Variants in GPHN observed in about 807,000 individuals in gnomAD.
The protein encoded by GPHN is gephyrin.
In GPHN, 17 loss-of-function variants were observed where a neutral mutation model predicts 95.5. The ratio of observed to expected loss-of-function variants is 0.18; its 90% CI spans 0.12 to 0.27. The LOEUF (loss-of-function observed/expected upper bound fraction) is 0.27. GPHN is among the 10% of genes least tolerant of loss of function. The pLI, the probability that GPHN is intolerant of heterozygous loss-of-function variation, is 1.00. For missense variants in GPHN, 660 were observed against 978.1 expected (o/e 0.67, Z 4.34); for synonymous variants, 320 against 322.5 (o/e 0.99, Z 0.08).
At chr14:67,323,031 A>G in the GPHN span, among the ~76,000 whole-genome samples, 3 of 152,134 alleles carry the variant, frequency 2.0e-5, no homozygotes, top group African/African-American at 7.2e-5. Flanking sequence ...TATGATTCTA[A>G]TTGCTCCAAA....
intron 1 of GPHN, among the ~76,000 whole-genome samples, chr14:66,568,298 A>G (rs1393122416): frequency 1.3e-5 from 2 of 152,122 alleles, no homozygotes; most frequent in Non-Finnish European, 2.9e-5. Context: ...AATGTTCAGA[A>G]TATTGTTTTG....
intron 21 of GPHN, among the ~76,000 whole-genome samples, chr14:67,174,062 A>G (rs1425382454): frequency 6.6e-6 from 1 of 152,232 alleles, no homozygotes; most frequent in African/African-American, 2.4e-5. Flanking sequence ...CTTACGAGCC[A>G]TCATTAAGTC....
chr14:67,542,227 T>A, the GPHN span, among the ~76,000 whole-genome samples: 1 of 152,224 alleles, frequency 6.6e-6, no homozygotes, highest in East Asian at 1.9e-4. Flanking sequence ...CTGCCAATCT[T>A]CTCGGTCCCC....
the GPHN span, chr14:67,582,268 A>G: frequency 1.2e-6 from 2 of 1,610,922 alleles, no homozygotes; most frequent in Non-Finnish European, 1.7e-6. This position sits in a 1 kb window ranked among gnomAD's most constrained non-coding sequence, Gnocchi z 5.0. Flanking sequence ...TGAATGCACC[A>G]TGCAGCCTGA....
the GPHN span, chr14:67,312,744 T>G: frequency 4.2e-5 from 60 of 1,417,084 alleles, 1 homozygote; most frequent in East Asian, 7.6e-4. Flanking sequence ...TACATAATAT[T>G]AAAAGAACAT....
At chr14:67,458,264 G>A in the GPHN span, among the ~76,000 whole-genome samples, 1 of 152,170 alleles carries the variant, frequency 6.6e-6, no homozygotes, top group Non-Finnish European at 1.5e-5. Flanking sequence ...TGGAGCTGGA[G>A]TGTGGGGTGA....
intron 1 of GPHN, among the ~76,000 whole-genome samples, chr14:66,584,413 T>C (rs2061335995): frequency 1.3e-5 from 2 of 152,172 alleles, no homozygotes; most frequent in Admixed American, 1.3e-4. Flanking sequence ...GGCCAGAACT[T>C]CCAACACTAT....
chr14:67,242,611 T>G, the GPHN span, among the ~76,000 whole-genome samples: 11 of 152,140 alleles, frequency 7.2e-5, no homozygotes, highest in Non-Finnish European at 1.5e-4. Context: ...TAAGCTTCCT[T>G]GAATTAAGAA....
the GPHN span, chr14:67,199,564 T>C: frequency 6.3e-7 from 1 of 1,598,116 alleles, no homozygotes; most frequent in Non-Finnish European, 8.6e-7. Flanking sequence ...AGTACCTCTG[T>C]AACCACCCTA....
intron 9 of GPHN, among the ~76,000 whole-genome samples, chr14:66,998,889 AT>A (rs201055419): frequency 0.02 from 1,947 of 98,382 alleles, 18 homozygotes; most frequent in Middle Eastern, 0.036. Context: ...AAAAAAAAAA[AT>A]ATATATATAT....
intron 17 of GPHN, among the ~76,000 whole-genome samples, chr14:67,132,385 G>C (rs1337884551): frequency 1.3e-5 from 2 of 152,038 alleles, no homozygotes; most frequent in African/African-American, 4.8e-5. Context: ...TAAACTATCT[G>C]CTCTCCTTAT....
chr14:67,116,303 GAAAGAAAGAA>G (rs1314474988), intron 16 of GPHN, among the ~76,000 whole-genome samples: 2 of 147,578 alleles, frequency 1.4e-5, no homozygotes, highest in Non-Finnish European at 3.0e-5. Flanking sequence ...GAAAAAGAAA[GAAAGAAAGAA>G]AAAGAAAGAA....
At chr14:67,023,462 TAAAG>T (rs2073765615) in intron 9 of GPHN, among the ~76,000 whole-genome samples, 167 bp from the exon 10 acceptor site, 2 of 152,178 alleles carry the variant, frequency 1.3e-5, no homozygotes, top group African/African-American at 2.4e-5. Context: ...AAGGAAAAGA[TAAAG>T]AAAAAAGATG....
rs1382508799 is a variant in GPHN at position 66,836,852 on chromosome 14, G to A, written c.294+12286G>A. Among the ~76,000 whole-genome samples the A allele has an allele frequency of 1.6e-3, 241 of 151,802 alleles. 3 individuals carry two copies. The highest frequency in any genetic ancestry group is 0.012 in the South Asian group (55 of 4,782). On this transcript the variant is annotated intron_variant, in intron 4 of 22. Coordinates refer to ENST00000478722, the MANE Select transcript of GPHN (RefSeq NM_020806.5). ...GAAAACACATGAAAAAATGCTCACC[G>A]TCACTGGCCATCAGAGAAATGCAAA...
At chr14:66,835,231 AG>A (rs1374501666) in intron 4 of GPHN, among the ~76,000 whole-genome samples, 1 of 146,754 alleles carries the variant, frequency 6.8e-6, no homozygotes, top group African/African-American at 2.5e-5. Flanking sequence ...AATTTTTTGA[AG>A]GGTTTTTTGT....
chr14:67,163,485 TAA>T (rs1236492379), intron 19 of GPHN, among the ~76,000 whole-genome samples: 1 of 151,528 alleles, frequency 6.6e-6, no homozygotes, highest in Non-Finnish European at 1.5e-5. Flanking sequence ...TGGGAAGGAA[TAA>T]AAAAACAGAA....
At chr14:66,566,983 G>A (rs1398460986) in intron 1 of GPHN, among the ~76,000 whole-genome samples, 2 of 152,156 alleles carry the variant, frequency 1.3e-5, no homozygotes, top group Non-Finnish European at 2.9e-5. Context: ...CTTTAAAACA[G>A]TGTGGTTGGC....
intron 14 of GPHN, 142 bp from the exon 15 acceptor site, chr14:67,111,719 T>C (rs1485898669): frequency 7.3e-6 from 5 of 684,302 alleles, no homozygotes; most frequent in Non-Finnish European, 1.3e-5. Context: ...AATTCAGTGT[T>C]TTCAAAGGGT....
the GPHN span, among the ~76,000 whole-genome samples, chr14:67,324,328 CAT>C: frequency 2.0e-4 from 30 of 152,092 alleles, no homozygotes; most frequent in Non-Finnish European, 2.1e-4. Context: ...TGACTGATAA[CAT>C]GTTATTAATA....
Sources: allele counts gnomAD v4.1 joint callset (sites outside exome capture counted in the v4.1 genomes callset), GRCh38; gene constraint gnomAD v4.1.1; non-coding constraint Gnocchi (gnomAD v3.1); transcripts MANE v1.5; gene names NCBI Gene and HGNC (gene_info 2026-07-23, HGNC 2026-07-21).